The following ZNF521 variants were observed in gnomAD, a reference collection of about 807,000 sequenced individuals.
ZNF521 encodes zinc finger protein 521.
ZNF521 carries 14 observed loss-of-function variants against 105.5 expected under a neutral mutation model. The observed-to-expected ratio is 0.13, with a 90% CI of 0.09 to 0.21. The LOEUF (loss-of-function observed/expected upper bound fraction) is 0.21. Ranked by LOEUF, ZNF521 falls within the 10% of genes least tolerant of loss-of-function variation. The probability of loss-of-function intolerance (pLI) is 1.00; values close to 1 mark genes in which losing one functional copy is unlikely to be tolerated. For missense variants in ZNF521, 1,233 were observed against 1,629.7 expected (o/e 0.76, Z 4.19); for synonymous variants, 635 against 606.0 (o/e 1.05, Z -0.70).
At chr18:25,185,019 T>C (rs1436919833) in intron 5 of ZNF521, among the ~76,000 whole-genome samples, 1 of 152,142 alleles carries the variant, frequency 6.6e-6, no homozygotes, top group African/African-American at 2.4e-5. Context: ...AAACAACTAG[T>C]GTATACAATA....
At chr18:25,265,347 G>A (rs1909173810) in intron 3 of ZNF521, among the ~76,000 whole-genome samples, 2 of 152,162 alleles carry the variant, frequency 1.3e-5, no homozygotes. Context: ...TTGGACTCAG[G>A]ACTGGCTCTT....
At chr18:25,324,009 CA>C (rs935013611) in intron 2 of ZNF521, among the ~76,000 whole-genome samples, 1 of 151,938 alleles carries the variant, frequency 6.6e-6, no homozygotes, top group African/African-American at 2.4e-5. Context: ...TGTTTAAGTA[CA>C]TTGGTAATTT....
intron 5 of ZNF521, among the ~76,000 whole-genome samples, chr18:25,178,079 TA>T (rs900908440): frequency 6.6e-6 from 1 of 152,156 alleles, no homozygotes; most frequent in Non-Finnish European, 1.5e-5. Flanking sequence ...GGAACTCTGC[TA>T]AAAAAACTGT....
intron 3 of ZNF521, among the ~76,000 whole-genome samples, chr18:25,268,292 C>A (rs1236642715): frequency 6.6e-6 from 1 of 151,960 alleles, no homozygotes; most frequent in African/African-American, 2.4e-5. Context: ...TGTGAAAAGA[C>A]CAAATTTATG....
intron 2 of ZNF521, among the ~76,000 whole-genome samples, chr18:25,324,031 G>T (rs138154702): frequency 6.6e-6 from 1 of 152,094 alleles, no homozygotes; most frequent in East Asian, 1.9e-4. Flanking sequence ...GGGCTGATTT[G>T]CCATCTGGAA....
chr18:25,240,008 G>C (rs1907198239), intron 3 of ZNF521, among the ~76,000 whole-genome samples: 2 of 151,388 alleles, frequency 1.3e-5, no homozygotes, highest in South Asian at 4.2e-4. Flanking sequence ...ATCTCTTCAG[G>C]CTGAGGAGAA....
At chr18:25,163,772 T>C (rs924459810) in intron 5 of ZNF521, among the ~76,000 whole-genome samples, 4 of 152,176 alleles carry the variant, frequency 2.6e-5, no homozygotes, top group African/African-American at 7.2e-5. Flanking sequence ...GTTGCAGGTA[T>C]GGGGGCTTTT....
intron 5 of ZNF521, among the ~76,000 whole-genome samples, chr18:25,131,648 C>T (rs534487102): frequency 6.6e-6 from 1 of 152,270 alleles, no homozygotes; most frequent in African/African-American, 2.4e-5. Context: ...TTATATCCCT[C>T]GTATCTAGCC....
intron 2 of ZNF521, among the ~76,000 whole-genome samples, chr18:25,324,453 T>G: frequency 6.7e-6 from 1 of 148,718 alleles, no homozygotes; most frequent in East Asian, 1.9e-4. Flanking sequence ...TAAAACCAAG[T>G]GATGAAACAC....
chr18:25,204,983 C>T (rs575500560), intron 4 of ZNF521, among the ~76,000 whole-genome samples: 1 of 152,086 alleles, frequency 6.6e-6, no homozygotes, highest in East Asian at 1.9e-4. Context: ...AATGGACAAT[C>T]TAATGAGTCA....
chr18:25,345,196 G>A (rs540837470), intron 2 of ZNF521: 6 of 152,134 alleles, frequency 3.9e-5, no homozygotes, highest in Admixed American at 3.9e-4. Context: ...CTACAAATAT[G>A]CTACGAGTCT....
At chr18:25,077,707 T>A (rs533075096) in intron 7 of ZNF521, among the ~76,000 whole-genome samples, 9 of 152,226 alleles carry the variant, frequency 5.9e-5, no homozygotes, top group Admixed American at 4.6e-4. Context: ...AGAAAATGAA[T>A]CCAATTTTTC....
intron 5 of ZNF521, among the ~76,000 whole-genome samples, chr18:25,179,599 C>T (rs2035596555): frequency 1.3e-5 from 2 of 152,094 alleles, no homozygotes; most frequent in African/African-American, 4.8e-5. Context: ...TTAAATTTAA[C>T]CACAGGAAAC....
At chr18:25,241,182 G>A (rs1907304220) in intron 3 of ZNF521, among the ~76,000 whole-genome samples, 1 of 151,998 alleles carries the variant, frequency 6.6e-6, no homozygotes, top group Non-Finnish European at 1.5e-5. Context: ...TCTCTTAATT[G>A]TCCATTATCT....
At chr18:25,212,766 T>C (rs1278353681) in intron 4 of ZNF521, among the ~76,000 whole-genome samples, 2 of 151,192 alleles carry the variant, frequency 1.3e-5, no homozygotes, top group Non-Finnish European at 3.0e-5. Context: ...AAATGTCTTA[T>C]ATATTTTGTA....
intron 4 of ZNF521, among the ~76,000 whole-genome samples, chr18:25,214,159 T>C (rs540937151): frequency 2.0e-4 from 31 of 152,284 alleles, no homozygotes; most frequent in Admixed American, 7.2e-4. Context: ...CTGACTTTGA[T>C]CATCACAGAT....
intron 5 of ZNF521, among the ~76,000 whole-genome samples, chr18:25,170,842 G>A (rs2035436908): frequency 6.6e-6 from 1 of 152,084 alleles, no homozygotes; most frequent in Non-Finnish European, 1.5e-5. Flanking sequence ...TCTACTAGAT[G>A]TTGTATTTTG....
intron 2 of ZNF521, among the ~76,000 whole-genome samples, chr18:25,333,361 C>G (rs554203634): frequency 2.7e-5 from 4 of 150,556 alleles, no homozygotes; most frequent in African/African-American, 7.3e-5. Context: ...TAAATATATA[C>G]GCGGAGGGAG....
At chr18:25,302,061 G>C (rs1911674952) in intron 3 of ZNF521, 1 of 152,046 alleles carries the variant, frequency 6.6e-6, no homozygotes, top group Non-Finnish European at 1.5e-5. Flanking sequence ...TTTATAGAAA[G>C]GAACTTGAAG....
Sources: allele counts gnomAD v4.1 joint callset (sites outside exome capture counted in the v4.1 genomes callset), GRCh38; gene constraint gnomAD v4.1.1; transcripts MANE v1.5; gene names NCBI Gene and HGNC (gene_info 2026-07-23, HGNC 2026-07-21).